C6orf89: variants seen among roughly 807,000 people sequenced by gnomAD.
The protein encoded by C6orf89 is chromosome 6 open reading frame 89.
A neutral mutation model predicts 40.7 loss-of-function variants in C6orf89; 29 were observed. That is an observed-to-expected ratio of 0.71 (90% CI 0.53 to 0.97). C6orf89 has a LOEUF of 0.97. C6orf89 is among the 50% of genes least tolerant of loss of function. The pLI is 0.00. For missense variants in C6orf89, 392 were observed against 429.1 expected, an observed-to-expected ratio of 0.91 and a Z score of 0.76; for synonymous variants, 165 against 152.2, an observed-to-expected ratio of 1.08 and a Z score of -0.62.
At chr6:36,880,497 C>G (rs991435380) in intron 2 of C6orf89, among the ~76,000 whole-genome samples, 1 of 149,994 alleles carries the variant, frequency 6.7e-6, no homozygotes, top group Non-Finnish European at 1.5e-5. Context: ...AAAATAAGCA[C>G]TTAAATATTT....
rs1163106215 is a variant in C6orf89 at position 36,908,467 on chromosome 6, T to C, written c.404-5817T>C. On this transcript the variant is annotated intron_variant, in intron 4 of 8. Transcript: ENST00000480824. ...ATATTTTGATATTTAAAAATACTTA[T>C]AATAAAGTAATATTTCTCATCTCTA... Among the ~76,000 whole-genome samples, 4 of 150,614 alleles carry C rather than the reference T, an allele frequency of 2.7e-5. No homozygotes were observed. In the East Asian group the frequency reaches 7.8e-4, roughly 29 times the overall value.
intron 4 of C6orf89, among the ~76,000 whole-genome samples, chr6:36,909,435 T>G (rs1289775367): frequency 6.6e-6 from 1 of 152,186 alleles, no homozygotes; most frequent in East Asian, 1.9e-4. Context: ...GTTAGAAAAC[T>G]AAATAATAGT....
chr6:36,888,709 T>G (rs1194299917), intron 1 of C6orf89, among the ~76,000 whole-genome samples: 3 of 152,174 alleles, frequency 2.0e-5, no homozygotes, highest in African/African-American at 7.2e-5. Context: ...AGAGATTAAC[T>G]ACATCTTTGT....
chr6:36,899,498 T>C lies in C6orf89; in HGVS notation c.54T>C (p.Val18=), dbSNP rs567738213. Residue 18 remains valine, a synonymous_variant, in exon 3 of 9, where the codon GTT becomes GTC. Coordinates refer to ENST00000480824, the MANE Select transcript of C6orf89 (RefSeq NM_001286635.2). The stretch of plus-strand genomic sequence containing the variant: ...TTTATGACAAACTTTCAGAGACTGT[T>C]GATTTGGTGAGACAGACCGGCCATC... ...ISIYDKLSET[V]DLVRQTGHQC... is the part of the protein sequence containing the mutation. The C allele has an allele frequency of 2.5e-6, 4 of 1,614,116 alleles. No homozygotes were observed. The highest frequency in any genetic ancestry group is 3.4e-6 in the Non-Finnish European group (4 of 1,180,022).
chr6:36,922,861 T>C (rs1762558759), intron 8 of C6orf89, among the ~76,000 whole-genome samples: 1 of 152,198 alleles, frequency 6.6e-6, no homozygotes, highest in African/African-American at 2.4e-5. Context: ...GTCTTCTTGC[T>C]GTAAAAGCTG....
At chr6:36,921,160 A>T (rs1180330597) in intron 8 of C6orf89, among the ~76,000 whole-genome samples, 1 of 152,090 alleles carries the variant, frequency 6.6e-6, no homozygotes, top group Non-Finnish European at 1.5e-5. Flanking sequence ...CACATGACAG[A>T]ACACAGAGAT....
chr6:36,881,903 CTG>C (rs1462026444), upstream of C6orf89, among the ~76,000 whole-genome samples: 1 of 151,960 alleles, frequency 6.6e-6, no homozygotes, highest in Admixed American at 6.5e-5. Context: ...CTAATTAAAA[CTG>C]AATAGATTTC....
At chr6:36,879,040 T>C in exon 2 of C6orf89, 1 of 152,676 alleles carries the variant, frequency 6.5e-6, no homozygotes, top group South Asian at 2.0e-4. Context: ...AAGTGGAGCT[T>C]CTAGCGACCC....
In C6orf89 at chr6:36,925,339, G is replaced by A. The variant is rs1262893505; in HGVS notation, c.*1898G>A. Reference sequence around the variant, plus strand: ...AAAGAGAGGGTTTCTTAGGAACAAAGCAACTATTTTGATTACTGAGATCTC... The same window carrying A: ...AAAGAGAGGGTTTCTTAGGAACAAAACAACTATTTTGATTACTGAGATCTC... On this transcript the variant is annotated 3_prime_UTR_variant, in exon 9 of 9. Coordinates refer to ENST00000480824, the MANE Select transcript of C6orf89 (RefSeq NM_001286635.2). 2 of 152,118 alleles carry A rather than the reference G, an allele frequency of 1.3e-5. No individual in the cohort carries two copies. Among genetic ancestry groups the A allele is most frequent in the Non-Finnish European group, 2.9e-5 (2 of 68,030 alleles). The allele number at this position is 152,118 out of a possible 1,614,324, so 9.4% of individuals were successfully genotyped here.
rs759772927 is a variant in C6orf89, at chr6:36,874,784, C to T, written c.-628+2817C>T. Reference sequence around the variant, plus strand: ...GGAATTGCCGCCATAGCGAAGCCGGCGGCGGAATGCTTGTCTAGTAATTGC... The same window carrying T: ...GGAATTGCCGCCATAGCGAAGCCGGTGGCGGAATGCTTGTCTAGTAATTGC... On this transcript the variant is annotated intron_variant, in intron 1 of 9. Coordinates refer to the C6orf89 transcript ENST00000359359. 1.9e-6 allele frequency: 3 copies of T among 1,613,836 alleles called. No individual in the cohort carries two copies. In the South Asian group the frequency reaches 3.3e-5, roughly 18 times the overall value.
chr6:36,923,053 A>G (rs547773671), intron 8 of C6orf89, among the ~76,000 whole-genome samples: 1 of 152,342 alleles, frequency 6.6e-6, no homozygotes, highest in South Asian at 2.1e-4. Context: ...TCTTTAAGCC[A>G]GGTGTAGTGG....
Position 36,901,321 on chromosome 6 carries a change from A to ATTTTT in C6orf89, c.190-873_190-869dup, listed in dbSNP as rs60381134. On this transcript the variant is annotated intron_variant, in intron 3 of 8. Transcript: ENST00000480824. ...TATTATTATTATTATTATTATTATT[A>ATTTTT]TTTTTTTTTTTTTTTTTTTTTTTTT... Among the ~76,000 whole-genome samples the ATTTTT allele has an allele frequency of 6.7e-3, 126 of 18,870 alleles. 6 individuals carry two copies. Among genetic ancestry groups the ATTTTT allele is most frequent in the East Asian group, 0.012 (7 of 562 alleles). The allele number at this position is 18,870 out of a possible 152,430, so 12.4% of individuals were successfully genotyped here. A position where few individuals can be genotyped will look rare whatever the true frequency, so the allele number is the denominator to read the frequency against.
chr6:36,916,604 G>T, intron 7 of C6orf89, 30 bp downstream of exon 7: 3 of 1,613,342 alleles, frequency 1.9e-6, no homozygotes, highest in Non-Finnish European at 1.7e-6. Flanking sequence ...CTTGGATCTA[G>T]AATTTTCTTT....
At chr6:36,907,518 T>C (rs1171076041) in intron 4 of C6orf89, among the ~76,000 whole-genome samples, 1 of 152,244 alleles carries the variant, frequency 6.6e-6, no homozygotes, top group Non-Finnish European at 1.5e-5. Context: ...AGTTATGGTC[T>C]CTGCACGTTG....
chr6:36,878,359 A>G (rs1217821520), intron 1 of C6orf89, among the ~76,000 whole-genome samples: 2 of 152,258 alleles, frequency 1.3e-5, no homozygotes, highest in Non-Finnish European at 2.9e-5. Context: ...GATTTCTTGT[A>G]GAAAGCAGTT....
At chr6:36,908,844 C>G (rs925203970) in intron 4 of C6orf89, among the ~76,000 whole-genome samples, 1 of 152,198 alleles carries the variant, frequency 6.6e-6, no homozygotes, top group African/African-American at 2.4e-5. Flanking sequence ...TGGTGGTTTT[C>G]AGCAGTCCTT....
At chr6:36,916,659 A>G (rs1762334749) in intron 7 of C6orf89, 85 bp downstream of exon 7, 1 of 1,540,884 alleles carries the variant, frequency 6.5e-7, no homozygotes, top group African/African-American at 1.4e-5. Flanking sequence ...TTCCCTGCAT[A>G]TTGGCTTAGA....
At chr6:36,893,873 A>G (rs1761317528) in intron 1 of C6orf89, among the ~76,000 whole-genome samples, 1 of 152,200 alleles carries the variant, frequency 6.6e-6, no homozygotes, top group African/African-American at 2.4e-5. Context: ...ATTAAACAAC[A>G]AAAAATATCA....
At chr6:36,912,242 A>G (rs763289555) in intron 4 of C6orf89, among the ~76,000 whole-genome samples, 2 of 152,124 alleles carry the variant, frequency 1.3e-5, no homozygotes, top group Non-Finnish European at 2.9e-5. Flanking sequence ...GGAACTTCCT[A>G]TCACCTCTAA....
Sources: gnomAD v4.1 joint callset for allele counts (sites outside exome capture counted in the v4.1 genomes callset) on GRCh38, gnomAD v4.1.1 for gene constraint, MANE v1.5 for transcripts, NCBI Gene and HGNC (gene_info 2026-07-23, HGNC 2026-07-21) for gene names.